The following MICAL3 variants were observed in gnomAD, a reference collection of about 807,000 sequenced individuals.
MICAL3 encodes the protein microtubule associated monooxygenase, calponin and LIM domain containing 3.
Under a neutral mutation model 207.4 loss-of-function variants are expected in MICAL3, and 62 were observed. The observed-to-expected ratio is 0.30, with a 90% CI of 0.24 to 0.37. MICAL3 has a LOEUF of 0.37. MICAL3 is among the 10% of genes least tolerant of loss of function. MICAL3 has a pLI of 1.00. For synonymous variants in MICAL3, 1,077 were observed against 1,069.3 expected (o/e 1.01, Z -0.14); for missense variants, 2,368 against 2,635.6 (o/e 0.90, Z 2.22).
At chr22:18,019,570 C>G (rs1442960811) in intron 1 of MICAL3, among the ~76,000 whole-genome samples, 1 of 151,830 alleles carries the variant, frequency 6.6e-6, no homozygotes, top group East Asian at 2.0e-4. Flanking sequence ...TGGCACACGC[C>G]TGTAATCCCA....
At position 17,827,787 on chromosome 22, in the gene MICAL3, G is replaced by A; in HGVS notation, c.3056-6C>T. 1 of 1,544,548 alleles carries A rather than the reference G, an allele frequency of 6.5e-7. No individual in the cohort carries two copies. Among genetic ancestry groups the A allele is most frequent in the Non-Finnish European group, 8.7e-7 (1 of 1,143,202 alleles). On this transcript the variant is annotated splice_region_variant and splice_polypyrimidine_tract_variant and intron_variant, in intron 21 of 31. Transcript: ENST00000441493. Reference sequence around the variant, plus strand: ...CTGGAGCCTCTGGTTCCCGGCTAGTGTCCCAGGGTCAAGGGGTGGAGAAAT... The same window carrying A: ...CTGGAGCCTCTGGTTCCCGGCTAGTATCCCAGGGTCAAGGGGTGGAGAAAT...
At position 17,891,224 on chromosome 22, in the gene MICAL3, G is replaced by A. The variant is rs923550099; in HGVS notation, c.1694+261C>T. On this transcript the variant is annotated intron_variant, in intron 12 of 31. Coordinates refer to ENST00000441493, the MANE Select transcript of MICAL3 (RefSeq NM_015241.3). ...CAAAACCAGTTTTTGACTTATGAGT[G>A]TTGTGATTTTTAAAACTCAGCTATA... Among the ~76,000 whole-genome samples, 18 of 151,210 alleles carry A rather than the reference G, an allele frequency of 1.2e-4. 1 individual carries two copies. The highest frequency in any genetic ancestry group is 4.1e-4 in the African/African-American group (17 of 41,026).
At chr22:17,975,368 T>A (rs1030077172) in intron 1 of MICAL3, among the ~76,000 whole-genome samples, 6 of 151,046 alleles carry the variant, frequency 4.0e-5, no homozygotes, top group Admixed American at 6.6e-5. Context: ...CCCGCAAATT[T>A]AAAAAAAAAT....
At chr22:17,884,367 C>T (rs771157615) in intron 16 of MICAL3, 4 of 1,587,642 alleles carry the variant, frequency 2.5e-6, no homozygotes, top group Non-Finnish European at 3.4e-6. Context: ...AGCTGGGACA[C>T]ACAGGCCAAG....
rs193301391 is a variant in MICAL3 at position 17,886,863 on chromosome 22, T to C, written c.2067+307A>G. On this transcript the variant is annotated intron_variant, in intron 15 of 31. Transcript: ENST00000441493. ...TGGGTGTGGTGGCACATGCCTGCAA[T>C]CCCAGCTACTTGGGAGGCTGAGGCA... Among the ~76,000 whole-genome samples, 53 of 145,016 alleles carry C rather than the reference T, an allele frequency of 3.7e-4. 2 individuals are homozygous for C. The East Asian group carries it at 0.01, about 28-fold the overall frequency.
At chr22:17,941,849 C>A (rs1933820990) in intron 1 of MICAL3, among the ~76,000 whole-genome samples, 1 of 152,134 alleles carries the variant, frequency 6.6e-6, no homozygotes, top group African/African-American at 2.4e-5. Flanking sequence ...GTCAATCGCT[C>A]CCTCCCACCC....
chr22:17,855,071 G>A (rs541395489), intron 19 of MICAL3, among the ~76,000 whole-genome samples: 28 of 152,314 alleles, frequency 1.8e-4, no homozygotes, highest in East Asian at 9.7e-4. Context: ...AGGCCAGGCC[G>A]TGCCACACAT....
intron 1 of MICAL3, among the ~76,000 whole-genome samples, chr22:17,964,831 T>C (rs923527103): frequency 6.6e-6 from 1 of 152,218 alleles, no homozygotes; most frequent in Non-Finnish European, 1.5e-5. Context: ...AAACCCCGAA[T>C]TGCTCAGCTG....
intron 1 of MICAL3, among the ~76,000 whole-genome samples, chr22:17,915,557 C>T (rs905235592): frequency 6.6e-6 from 1 of 152,168 alleles, no homozygotes; most frequent in African/African-American, 2.4e-5. Flanking sequence ...CGACGCTGGC[C>T]CAAAACACAG....
chr22:17,930,970 C>T (rs954094736), intron 1 of MICAL3, among the ~76,000 whole-genome samples: 7 of 152,252 alleles, frequency 4.6e-5, no homozygotes, highest in African/African-American at 1.7e-4. Flanking sequence ...TTCCCAGAGG[C>T]AGCGCCTCCC....
At position 17,822,108 on chromosome 22, in the gene MICAL3, C is replaced by G; in HGVS notation, c.3370G>C (p.Glu1124Gln). 6.2e-7 allele frequency: 1 copy of G among 1,613,956 alleles called. No homozygotes were observed. Among genetic ancestry groups the G allele is most frequent in the African/African-American group, 1.3e-5 (1 of 75,076 alleles). ...DRELRLPCPA[E>Q]GEAELELRVS... ...CTCAGCTCCAGCTCTGCTTCCCCCT[C>G]AGCTGGGCACGGCAAACGCAGCTCT... Residue 1124 changes from glutamate to glutamine, a missense_variant, in exon 24 of 32, where the codon GAG becomes CAG. Transcript: ENST00000441493.
intron 1 of MICAL3, among the ~76,000 whole-genome samples, chr22:18,000,306 C>A (rs1414514438): frequency 6.6e-6 from 1 of 152,000 alleles, no homozygotes; most frequent in East Asian, 1.9e-4. Flanking sequence ...TCTACATCAA[C>A]CCGTTTCACA....
At chr22:17,814,259 C>T (rs1416522729) in intron 27 of MICAL3, 3 of 152,240 alleles carry the variant, frequency 2.0e-5, no homozygotes, top group Non-Finnish European at 4.4e-5. Context: ...ACCCACATGC[C>T]TCTCACCTGT....
At chr22:17,897,704 A>G (rs1031398642) in intron 7 of MICAL3, among the ~76,000 whole-genome samples, 9 of 152,228 alleles carry the variant, frequency 5.9e-5, no homozygotes. Context: ...ATGACACCCA[A>G]AGGAAGAACT....
intron 1 of MICAL3, among the ~76,000 whole-genome samples, chr22:17,924,803 T>G (rs1213357101): frequency 6.6e-6 from 1 of 152,156 alleles, no homozygotes; most frequent in Non-Finnish European, 1.5e-5. Flanking sequence ...ACAGCAGGTA[T>G]TTCATAAACA....
chr22:17,912,464 AACCC>A (rs1932206456), intron 1 of MICAL3, among the ~76,000 whole-genome samples: 3 of 151,990 alleles, frequency 2.0e-5, no homozygotes, highest in African/African-American at 7.2e-5. Flanking sequence ...TAAGTCTTCC[AACCC>A]ATAAGCGTGA....
At chr22:17,821,604 G>A in intron 24 of MICAL3, 95 bp from the exon 25 acceptor site, 1 of 1,017,544 alleles carries the variant, frequency 9.8e-7, no homozygotes, top group Non-Finnish European at 1.4e-6. Context: ...GGAGGGGAGG[G>A]TAGAGGGCGA....
intron 19 of MICAL3, chr22:17,863,394 A>G (rs528481485): frequency 7.1e-6 from 7 of 985,444 alleles, no homozygotes; most frequent in South Asian, 9.4e-5. Context: ...ATTCTATAGC[A>G]TAAAGCCAAA....
rs750173882 is a variant in MICAL3 at position 17,818,771 on chromosome 22, G to T, written c.3890C>A (p.Pro1297His). The T allele has an allele frequency of 1.3e-6, 2 of 1,592,292 alleles. No homozygotes were observed. The highest frequency in any genetic ancestry group is 4.5e-5 in the East Asian group (2 of 44,478). Residue 1297 changes from proline to histidine, a missense_variant, in exon 26 of 32, where the codon CCT (proline) becomes CAT (histidine). By Grantham distance (77) the Pro-to-His change is moderately conservative (BLOSUM62 -2). Transcript: ENST00000441493. Reference sequence around the variant, plus strand: ...CTTGGTGTCACTTTGGCTTTGGACAGGGAGAGGGGCCAGTGGGGTGGATGT... The same window carrying T: ...CTTGGTGTCACTTTGGCTTTGGACATGGAGAGGGGCCAGTGGGGTGGATGT... ...AKTSTPLAPL[P>H]VQSQSDTKDR...
Sources: allele counts gnomAD v4.1 joint callset (sites outside exome capture counted in the v4.1 genomes callset), GRCh38; gene constraint gnomAD v4.1.1; transcripts MANE v1.5; gene names NCBI Gene and HGNC (gene_info 2026-07-23, HGNC 2026-07-21).